Variants in MACROD2 observed in about 807,000 individuals in gnomAD.
The protein encoded by MACROD2 is mono-ADP ribosylhydrolase 2.
MACROD2 carries 36 observed loss-of-function variants against 70.4 expected under a neutral mutation model. That is an observed-to-expected ratio of 0.51 (90% CI 0.39 to 0.68). The LOEUF (loss-of-function observed/expected upper bound fraction) is 0.68. Ranked by LOEUF, MACROD2 falls within the 30% of genes least tolerant of loss-of-function variation. The probability of loss-of-function intolerance (pLI) is 0.00; values close to 1 mark genes in which losing one functional copy is unlikely to be tolerated. For missense variants in MACROD2, 496 were observed against 538.4 expected, an observed-to-expected ratio of 0.92 and a Z score of 0.78; for synonymous variants, 172 against 178.8, an observed-to-expected ratio of 0.96 and a Z score of 0.30.
At chr20:15,687,041 G>A in intron 8 of MACROD2, among the ~76,000 whole-genome samples, 2 of 145,504 alleles carry the variant, frequency 1.4e-5, no homozygotes, top group African/African-American at 2.5e-5. Context: ...TTCTGTGATG[G>A]CAAAAGAAAA....
chr20:15,643,348 A>G (rs1195854592), intron 8 of MACROD2, among the ~76,000 whole-genome samples: 1 of 152,202 alleles, frequency 6.6e-6, no homozygotes, highest in Non-Finnish European at 1.5e-5. Flanking sequence ...CAAAATCTGT[A>G]TCTGACTCAT....
Position 14,806,552 on chromosome 20 carries a change from T to C in MACROD2, c.418+121593T>C, listed in dbSNP as rs527351633. On this transcript the variant is annotated intron_variant, in intron 5 of 17. Transcript: ENST00000684519. ...TCAAGCTAGCTGCAGGAATTTTCTT[T>C]TTGTACCCCACTGGCACCTGGAATG... 1.6e-4 allele frequency among the ~76,000 whole-genome samples: 25 copies of C among 152,118 alleles called. No individual in the cohort carries two copies. In the South Asian group the frequency reaches 5.0e-3, roughly 30 times the overall value.
chr20:15,478,506 T>C (rs2047052209), intron 7 of MACROD2, among the ~76,000 whole-genome samples: 2 of 152,148 alleles, frequency 1.3e-5, no homozygotes, highest in Non-Finnish European at 2.9e-5. Context: ...TGCCACCATG[T>C]GTAAGTACGT....
At chr20:15,895,490 C>T (rs948440959) in intron 10 of MACROD2, among the ~76,000 whole-genome samples, 10 of 152,216 alleles carry the variant, frequency 6.6e-5, no homozygotes, top group East Asian at 3.9e-4. Context: ...CGGCAGGCAG[C>T]GGTGGATGAT....
intron 5 of MACROD2, among the ~76,000 whole-genome samples, chr20:14,803,272 T>C (rs1271053935): frequency 6.6e-6 from 1 of 152,044 alleles, no homozygotes; most frequent in Non-Finnish European, 1.5e-5. Flanking sequence ...CAGTACAGAA[T>C]TGAAGGGAAA....
chr20:15,618,952 A>G (rs1031904051), intron 8 of MACROD2, among the ~76,000 whole-genome samples: 8 of 152,200 alleles, frequency 5.3e-5, no homozygotes, highest in African/African-American at 1.9e-4. Flanking sequence ...CAGTGAGTCA[A>G]GAGTGCTGAT....
At chr20:15,341,405 T>A (rs1306495133) in intron 6 of MACROD2, among the ~76,000 whole-genome samples, 1 of 152,216 alleles carries the variant, frequency 6.6e-6, no homozygotes, top group African/African-American at 2.4e-5. Flanking sequence ...GGCATTGTTT[T>A]GATAAGCCAA....
Position 15,022,970 on chromosome 20 carries a change from T to C in MACROD2, c.419-206970T>C, listed in dbSNP as rs771286010. On this transcript the variant is annotated intron_variant, in intron 5 of 17. Transcript: ENST00000684519. Reference sequence around the variant, plus strand: ...CATTCCATAAAAAATTATATATATATATGCATATATGTATATATTCTCTGT... The same window carrying C: ...CATTCCATAAAAAATTATATATATACATGCATATATGTATATATTCTCTGT... 3 of 152,120 alleles carry C rather than the reference T, an allele frequency of 2.0e-5. 1 individual carries two copies. The highest frequency in any genetic ancestry group is 4.4e-5 in the Non-Finnish European group (3 of 68,024). The allele number at this position is 152,120 out of a possible 1,614,324, so 9.4% of individuals were successfully genotyped here.
chr20:15,650,428 C>G (rs1445648188), intron 8 of MACROD2, among the ~76,000 whole-genome samples: 2 of 152,196 alleles, frequency 1.3e-5, no homozygotes, highest in Non-Finnish European at 2.9e-5. Context: ...TTTGTCATTT[C>G]TCTCACACTT....
chr20:15,293,819 T>C (rs1037529754), intron 6 of MACROD2, among the ~76,000 whole-genome samples: 8 of 152,154 alleles, frequency 5.3e-5, no homozygotes, highest in Non-Finnish European at 1.2e-4. Context: ...AGGCTGCTTT[T>C]AAAAATCAGG....
At chr20:14,691,543 G>C (rs899959631) in intron 5 of MACROD2, among the ~76,000 whole-genome samples, 1 of 152,204 alleles carries the variant, frequency 6.6e-6, no homozygotes, top group Non-Finnish European at 1.5e-5. Flanking sequence ...AACCACCAGA[G>C]TATTAGGAAG....
At chr20:14,947,659 A>C (rs2074443739) in intron 5 of MACROD2, among the ~76,000 whole-genome samples, 1 of 152,108 alleles carries the variant, frequency 6.6e-6, no homozygotes, top group Non-Finnish European at 1.5e-5. Context: ...CAGAGTTCTG[A>C]CTCAGGAAAT....
At chr20:14,729,128 G>A (rs1343396527) in intron 5 of MACROD2, among the ~76,000 whole-genome samples, 2 of 151,856 alleles carry the variant, frequency 1.3e-5, no homozygotes, top group South Asian at 4.2e-4. Flanking sequence ...AAAATAAATG[G>A]CACAAAAGTG....
intron 8 of MACROD2, among the ~76,000 whole-genome samples, chr20:15,609,590 A>T (rs2048938774): frequency 6.6e-6 from 1 of 151,240 alleles, no homozygotes; most frequent in South Asian, 2.1e-4. Flanking sequence ...TGCCCATGTG[A>T]GTGGAAGGTG....
At chr20:14,555,261 C>T (rs1181963001) in intron 4 of MACROD2, among the ~76,000 whole-genome samples, 1 of 152,000 alleles carries the variant, frequency 6.6e-6, no homozygotes, top group Non-Finnish European at 1.5e-5. Flanking sequence ...CCCCCAAAAA[C>T]TTAAAGAATA....
At chr20:15,219,924 G>C (rs867518687) in intron 5 of MACROD2, among the ~76,000 whole-genome samples, 1 of 141,130 alleles carries the variant, frequency 7.1e-6, no homozygotes, top group Non-Finnish European at 1.5e-5. Flanking sequence ...GAAATGACAG[G>C]TTTAGAGAAT....
intron 5 of MACROD2, among the ~76,000 whole-genome samples, chr20:14,966,416 G>C (rs773999207): frequency 5.3e-5 from 8 of 152,046 alleles, no homozygotes; most frequent in Non-Finnish European, 1.2e-4. Flanking sequence ...TTTCTACGAA[G>C]AATAAAAAAG....
At chr20:15,549,743 A>G (rs946347830) in intron 8 of MACROD2, among the ~76,000 whole-genome samples, 13 of 152,102 alleles carry the variant, frequency 8.5e-5, no homozygotes, top group Admixed American at 5.2e-4. Context: ...TTCCTCTTGC[A>G]TCTTCCTAAA....
At chr20:14,483,355 A>G (rs770009224) in intron 3 of MACROD2, among the ~76,000 whole-genome samples, 3 of 152,076 alleles carry the variant, frequency 2.0e-5, no homozygotes, top group African/African-American at 4.8e-5. Flanking sequence ...GTTTTTTGAT[A>G]GATTTTCCAT....
Sources: gnomAD v4.1 joint callset for allele counts (sites outside exome capture counted in the v4.1 genomes callset) on GRCh38, gnomAD v4.1.1 for gene constraint, MANE v1.5 for transcripts, NCBI Gene and HGNC (gene_info 2026-07-23, HGNC 2026-07-21) for gene names.